ZZEF1: variants seen among roughly 807,000 people sequenced by gnomAD.
ZZEF1 encodes zinc finger ZZ-type and EF-hand domain containing 1, also known as zinc finger ZZ-type and EF-hand domain-containing protein 1.
A neutral mutation model predicts 342.8 loss-of-function variants in ZZEF1; 157 were observed. The ratio of observed to expected loss-of-function variants is 0.46; its 90% CI spans 0.40 to 0.52. The LOEUF (loss-of-function observed/expected upper bound fraction) is 0.52. ZZEF1 is among the 20% of genes least tolerant of loss of function. ZZEF1 has a pLI of 0.00. For missense variants in ZZEF1, 3,480 were observed against 3,725.6 expected (o/e 0.93, Z 1.72); for synonymous variants, 1,505 against 1,429.1 (o/e 1.05, Z -1.20).
At chr17:4,076,504 A>G in intron 21 of ZZEF1, 133 bp downstream of exon 21, 1 of 1,184,106 alleles carries the variant, frequency 8.4e-7, no homozygotes, top group Non-Finnish European at 1.2e-6. Flanking sequence ...TGGCAAGCCC[A>G]CTGATAAAAT....
chr17:4,133,302 C>A (rs981369245), intron 1 of ZZEF1, among the ~76,000 whole-genome samples: 2 of 149,974 alleles, frequency 1.3e-5, no homozygotes, highest in Admixed American at 1.3e-4. Flanking sequence ...TTAACCTCCC[C>A]GTCTTATAGT....
intron 44 of ZZEF1, among the ~76,000 whole-genome samples, chr17:4,022,172 C>G (rs2056288317): frequency 6.6e-6 from 1 of 152,096 alleles, no homozygotes; most frequent in African/African-American, 2.4e-5. Context: ...TGGCGGCAGC[C>G]TTTCCTGGGC....
Position 4,035,464 on chromosome 17 carries a change from T to A in ZZEF1, c.6307-1172A>T, listed in dbSNP as rs190276589. Among the ~76,000 whole-genome samples, 266 of 152,066 alleles carry A rather than the reference T, an allele frequency of 1.7e-3. 3 individuals carry two copies. The highest frequency in any genetic ancestry group is 3.1e-4 in the Non-Finnish European group (21 of 67,988). On this transcript the variant is annotated intron_variant, in intron 39 of 54. Coordinates refer to ENST00000381638, the MANE Select transcript of ZZEF1 (RefSeq NM_015113.4). ...TTGGTCTGGTGGAGGCCACATGGTG[T>A]CAGAACCCAAGCAGGGTATGGAATT...
At position 4,014,640 on chromosome 17, in the gene ZZEF1, C is replaced by T. The variant is rs2056053989; in HGVS notation, c.8146-125G>A. The stretch of plus-strand genomic sequence containing the variant: ...AGAATGAGTGAACCACAGCCCTGGC[C>T]TCCAGGAGTGCAGAGTCCAGCTAGG... On this transcript the variant is annotated intron_variant, in intron 49 of 54. Coordinates refer to ENST00000381638, the MANE Select transcript of ZZEF1 (RefSeq NM_015113.4). The surrounding 1 kb of genome is among the most constrained non-coding windows in gnomAD (Gnocchi z 4.4). The T allele has an allele frequency of 1.0e-6, 1 of 1,002,432 alleles. No homozygotes were observed. The highest frequency in any genetic ancestry group is 1.5e-6 in the Non-Finnish European group (1 of 656,354). The allele number at this position is 1,002,432 out of a possible 1,614,324, so 62.1% of individuals were successfully genotyped here. A position where few individuals can be genotyped will look rare whatever the true frequency, so the allele number is the denominator to read the frequency against.
chr17:4,054,175 G>C lies in ZZEF1; in HGVS notation c.5316C>G (p.Arg1772=), dbSNP rs1441146695. The C allele has an allele frequency of 1.9e-6, 3 of 1,613,014 alleles. No individual in the cohort carries two copies. Among genetic ancestry groups the C allele is most frequent in the Middle Eastern group, 1.7e-4 (1 of 6,058 alleles). The change falls in exon 34 of 55, where the codon CGC becomes CGG. Residue 1772 remains arginine (R), a synonymous_variant. Coordinates refer to ENST00000381638, the MANE Select transcript of ZZEF1 (RefSeq NM_015113.4). ...KQRKMHMFIA[R]YCDLLNVDIS... ...TGTCCACATTTAACAGGTCACAGTA[G>C]CGAGCAATGAACATGTGCATCTGTA...
chr17:4,077,433 G>A (rs752346468), intron 19 of ZZEF1, among the ~76,000 whole-genome samples: 3 of 152,026 alleles, frequency 2.0e-5, no homozygotes, highest in Non-Finnish European at 2.9e-5. Flanking sequence ...GTCAGCACCC[G>A]TTGGGTTTCA....
rs370873862 is a variant in ZZEF1 at position 4,050,860 on chromosome 17, C to T, written c.5784G>A (p.Thr1928=). 1.1e-5 allele frequency: 18 copies of T among 1,614,056 alleles called. No individual in the cohort carries two copies. The highest frequency in any genetic ancestry group is 1.4e-5 in the Non-Finnish European group (16 of 1,180,034). ...TCCGCAGGGTGGTGGCACTGCTGCG[C>T]GTCTGGGGGTCCAGCTTCTCCCCAT... is the stretch of plus-strand genomic sequence containing the variant. ...DVDGEKLDPQ[T]RSSATTLRSQ... The change falls in exon 36 of 55, where the codon ACG becomes ACA. Residue 1928 remains threonine (T), a synonymous_variant. Transcript: ENST00000381638.
chr17:4,129,339 A>G (rs1035892675), intron 1 of ZZEF1, among the ~76,000 whole-genome samples: 4 of 152,208 alleles, frequency 2.6e-5, no homozygotes, highest in Non-Finnish European at 5.9e-5. Context: ...AAAAAGCTAA[A>G]AACAGAACTA....
Position 4,005,472 on chromosome 17 carries a change from G to C in ZZEF1, c.*1418C>G, listed in dbSNP as rs2055781981. 1 of 152,356 alleles carries C rather than the reference G, an allele frequency of 6.6e-6. No homozygotes were observed. Among genetic ancestry groups the C allele is most frequent in the Non-Finnish European group, 1.5e-5 (1 of 68,118 alleles). The allele number at this position is 152,356 out of a possible 1,614,324, so 9.4% of individuals were successfully genotyped here. A position where few individuals can be genotyped will look rare whatever the true frequency, so the allele number is the denominator to read the frequency against. The stretch of plus-strand genomic sequence containing the variant: ...CACCCGCCCCGGGATGGTTCTACCA[G>C]AACTCTGGGGCTTAGCTGAGAACCC... On this transcript the variant is annotated 3_prime_UTR_variant, in exon 55 of 55. Coordinates refer to ENST00000381638, the MANE Select transcript of ZZEF1 (RefSeq NM_015113.4).
At chr17:4,053,213 A>G (rs2057087702) in intron 34 of ZZEF1, among the ~76,000 whole-genome samples, 1 of 152,206 alleles carries the variant, frequency 6.6e-6, no homozygotes, top group African/African-American at 2.4e-5. Context: ...TCTCTAGACT[A>G]TTCAAACTCC....
In ZZEF1 at chr17:4,008,451, T is replaced by A; in HGVS notation, c.8805+432A>T. The A allele has an allele frequency of 1.3e-6, 1 of 792,196 alleles. No homozygotes were observed. The highest frequency in any genetic ancestry group is 1.5e-6 in the Non-Finnish European group (1 of 652,496). The allele number at this position is 792,196 out of a possible 1,614,324, so 49.1% of individuals were successfully genotyped here. ...GTTTCTAATGGCACATATGGATATATGCATAATAGACATATCCAAAAGCTT... is the reference window on the plus strand; with the variant it reads ...GTTTCTAATGGCACATATGGATATAAGCATAATAGACATATCCAAAAGCTT... On this transcript the variant is annotated intron_variant, in intron 54 of 54. Transcript: ENST00000381638. This position sits in a 1 kb window ranked among gnomAD's most constrained non-coding sequence, Gnocchi z 4.2.
chr17:4,096,700 C>A lies in ZZEF1; in HGVS notation c.1673G>T (p.Gly558Val). Residue 558 changes from glycine to valine, a missense_variant and splice_region_variant, in exon 10 of 55, where the codon GGT becomes GTT. Physicochemically the swap from Gly to Val is moderately radical, Grantham distance 109 (BLOSUM62 -3). Transcript: ENST00000381638. ...GGTTTTTCCAGTTTCCGTAAGAAAA[C>A]CTGAAAAAAGGGAAAACTCAAGTTA... is the stretch of plus-strand genomic sequence containing the variant. Reference protein sequence around the residue: ...NLLVEPWTRDGFLTETGKTRA... With the variant: ...NLLVEPWTRDVFLTETGKTRA... 6.2e-7 allele frequency: 1 copy of A among 1,613,234 alleles called. No homozygotes were observed. Among genetic ancestry groups the A allele is most frequent in the Non-Finnish European group, 8.5e-7 (1 of 1,179,668 alleles).
At chr17:4,027,630 T>TG (rs1187166972) in intron 42 of ZZEF1, among the ~76,000 whole-genome samples, 1 of 143,120 alleles carries the variant, frequency 7.0e-6, no homozygotes, top group Admixed American at 7.2e-5. Flanking sequence ...GACAGGCTCC[T>TG]GCTCTGTCAC....
chr17:4,048,314 T>C (rs2056969924), intron 37 of ZZEF1, among the ~76,000 whole-genome samples: 1 of 152,182 alleles, frequency 6.6e-6, no homozygotes. Context: ...ATAATAAAAA[T>C]GTTGATGTTT....
At chr17:4,018,338 T>C (rs1049456185) in intron 46 of ZZEF1, among the ~76,000 whole-genome samples, 6 of 152,174 alleles carry the variant, frequency 3.9e-5, no homozygotes, top group Non-Finnish European at 8.8e-5. Context: ...CTGGAACTCC[T>C]GGGCTCAAGC....
In ZZEF1 at chr17:4,072,772, G is replaced by A. The variant is rs1380325256; in HGVS notation, c.3686-16C>T. 1.9e-6 allele frequency: 3 copies of A among 1,585,136 alleles called. No individual in the cohort carries two copies. Among genetic ancestry groups the A allele is most frequent in the African/African-American group, 2.7e-5 (2 of 73,872 alleles). On this transcript the variant is annotated splice_polypyrimidine_tract_variant and intron_variant, in intron 24 of 54. Transcript: ENST00000381638. ...CTTCCTAACTCTAGAAAGAGAAGAA[G>A]ACATATGACAGTTCTATTTTTGCCT...
chr17:4,007,846 A>G (rs1327381419), intron 54 of ZZEF1, among the ~76,000 whole-genome samples: 4 of 151,948 alleles, frequency 2.6e-5, no homozygotes, highest in Admixed American at 6.5e-5. Context: ...TTCGGAGACT[A>G]CTTCCAAGGG....
chr17:4,119,906 A>C (rs1466908285), intron 2 of ZZEF1, among the ~76,000 whole-genome samples: 3 of 152,178 alleles, frequency 2.0e-5, no homozygotes, highest in African/African-American at 7.2e-5. Context: ...TATCAAGTGC[A>C]TTTATTCTGC....
intron 18 of ZZEF1, among the ~76,000 whole-genome samples, chr17:4,078,300 C>T (rs2057661462): frequency 6.6e-6 from 1 of 152,168 alleles, no homozygotes. Flanking sequence ...AGGAACCTTA[C>T]CCCCCTGGGT....
Sources: allele counts gnomAD v4.1 joint callset (sites outside exome capture counted in the v4.1 genomes callset), GRCh38; gene constraint gnomAD v4.1.1; non-coding constraint Gnocchi (gnomAD v3.1); transcripts MANE v1.5; gene names NCBI Gene and HGNC (gene_info 2026-07-23, HGNC 2026-07-21).